The following GRIK2 variants were observed in gnomAD, a reference collection of about 807,000 sequenced individuals.
GRIK2 encodes glutamate ionotropic receptor kainate type subunit 2, also known as glutamate receptor ionotropic, kainate 2.
Under a neutral mutation model 100.3 loss-of-function variants are expected in GRIK2, and 32 were observed. The ratio of observed to expected loss-of-function variants is 0.32; its 90% confidence interval spans 0.24 to 0.43. The LOEUF (loss-of-function observed/expected upper bound fraction) is 0.43. GRIK2 is among the 20% of genes least tolerant of loss of function. The probability of loss-of-function intolerance (pLI) is 1.00; values close to 1 mark genes in which losing one functional copy is unlikely to be tolerated. For synonymous variants in GRIK2, 417 were observed against 389.4 expected (o/e 1.07, Z -0.83); for missense variants, 843 against 1,114.9 (o/e 0.76, Z 3.47).
chr6:102,007,881 G>GA (rs1024030901), intron 14 of GRIK2, among the ~76,000 whole-genome samples: 17 of 151,924 alleles, frequency 1.1e-4, no homozygotes, highest in African/African-American at 3.6e-4. Context: ...CTAAATGTAG[G>GA]AAAAAATCTC....
chr6:101,832,548 G>T (rs919519156), intron 10 of GRIK2, among the ~76,000 whole-genome samples: 1 of 152,088 alleles, frequency 6.6e-6, no homozygotes, highest in Non-Finnish European at 1.5e-5. Flanking sequence ...CTTCTTACTT[G>T]GCAGGTGGCC....
intron 3 of GRIK2, 67 bp from the exon 4 acceptor site, chr6:101,626,313 A>ATGT: frequency 7.5e-7 from 1 of 1,333,628 alleles, no homozygotes. Context: ...TAAAATAATA[A>ATGT]TGTGGTATCT....
At chr6:102,025,492 A>G (rs13197283) in intron 14 of GRIK2, among the ~76,000 whole-genome samples, 40,981 of 151,070 alleles carry the variant, frequency 0.27, 5,955 homozygotes, top group East Asian at 0.34. Flanking sequence ...ATTCTCTGGA[A>G]AAAGGAATGT....
At chr6:101,599,317 A>G (rs1182087287) in intron 2 of GRIK2, among the ~76,000 whole-genome samples, 2 of 151,712 alleles carry the variant, frequency 1.3e-5, no homozygotes, top group South Asian at 2.1e-4. Flanking sequence ...TCAGTCCCCT[A>G]TTGATGGGCA....
chr6:101,394,900 G>A (rs564908477), intron 1 of GRIK2, among the ~76,000 whole-genome samples: 2 of 152,024 alleles, frequency 1.3e-5, no homozygotes, highest in East Asian at 1.9e-4. Flanking sequence ...TTATCTGTTT[G>A]TTTTCTCCTA....
chr6:101,394,351 G>A (rs910371947), intron 1 of GRIK2, among the ~76,000 whole-genome samples: 5 of 152,276 alleles, frequency 3.3e-5, no homozygotes, highest in East Asian at 1.9e-4. Flanking sequence ...CGTCCCATTA[G>A]GGTAAGGAGT....
intron 11 of GRIK2, among the ~76,000 whole-genome samples, chr6:101,876,188 G>A (rs995005988): frequency 7.9e-5 from 12 of 151,736 alleles, no homozygotes; most frequent in East Asian, 7.7e-4. Flanking sequence ...TTTGAAACAC[G>A]AAATTGTCAT....
chr6:101,743,582 C>G (rs949641517), intron 7 of GRIK2, among the ~76,000 whole-genome samples: 1 of 152,200 alleles, frequency 6.6e-6, no homozygotes, highest in East Asian at 1.9e-4. Flanking sequence ...TTTATCTACA[C>G]CTTGTTCTCC....
chr6:101,738,454 A>G (rs1438673912), intron 7 of GRIK2, among the ~76,000 whole-genome samples: 1 of 152,164 alleles, frequency 6.6e-6, no homozygotes, highest in East Asian at 1.9e-4. Flanking sequence ...GTACTTAGAT[A>G]CTATATGCAA....
chr6:101,553,330 G>A (rs1288383420), intron 2 of GRIK2, among the ~76,000 whole-genome samples: 3 of 152,024 alleles, frequency 2.0e-5, no homozygotes, highest in Non-Finnish European at 2.9e-5. Flanking sequence ...TTTAAAATGT[G>A]TTAATTAAAG....
In GRIK2 at chr6:101,488,721, C is replaced by T. The variant is rs1273387419; in HGVS notation, c.115+89329C>T. On this transcript the variant is annotated intron_variant, in intron 2 of 16. Transcript: ENST00000369134. ...ATCTAAATTATTTTATTTAGGTTCT[C>T]ATATTCACAAATAAACACTTTTTTT... Among the ~76,000 whole-genome samples, 6 of 146,460 alleles carry T rather than the reference C, an allele frequency of 4.1e-5. 1 individual carries two copies. Among genetic ancestry groups the T allele is most frequent in the Non-Finnish European group, 9.0e-5 (6 of 66,522 alleles).
chr6:101,605,453 T>A (rs1260979633), intron 2 of GRIK2, among the ~76,000 whole-genome samples: 1 of 144,246 alleles, frequency 6.9e-6, no homozygotes, highest in African/African-American at 2.9e-5. Context: ...TCTGTCCATA[T>A]TAACGCAGGT....
intron 2 of GRIK2, among the ~76,000 whole-genome samples, chr6:101,435,991 A>G (rs965629659): frequency 6.6e-6 from 1 of 152,122 alleles, no homozygotes; most frequent in African/African-American, 2.4e-5. Flanking sequence ...ATATGGAAAT[A>G]TTCAAATGTG....
At chr6:101,394,546 T>A (rs1371154709) in intron 1 of GRIK2, among the ~76,000 whole-genome samples, 2 of 152,224 alleles carry the variant, frequency 1.3e-5, no homozygotes, top group Non-Finnish European at 2.9e-5. Flanking sequence ...TAGTAGCCTT[T>A]TGGTAATGCA....
chr6:101,677,304 A>G (rs532661400), intron 5 of GRIK2, among the ~76,000 whole-genome samples: 51 of 152,272 alleles, frequency 3.3e-4, no homozygotes, highest in Admixed American at 1.1e-3. Flanking sequence ...AAAATGAACA[A>G]GTAACTTGAC....
chr6:101,907,996 A>G (rs1020055234), intron 12 of GRIK2, among the ~76,000 whole-genome samples: 7 of 151,514 alleles, frequency 4.6e-5, no homozygotes, highest in African/African-American at 1.5e-4. Flanking sequence ...GTAAGAATGA[A>G]GAGCACATTT....
chr6:101,846,027 G>A (rs973462460), intron 10 of GRIK2, among the ~76,000 whole-genome samples: 1 of 151,284 alleles, frequency 6.6e-6, no homozygotes, highest in Non-Finnish European at 1.5e-5. Context: ...TGTTGTTGTT[G>A]TTGTAGGAGT....
At chr6:101,952,488 GTT>G (rs111895980) in intron 14 of GRIK2, among the ~76,000 whole-genome samples, 1 of 148,760 alleles carries the variant, frequency 6.7e-6, no homozygotes, top group African/African-American at 2.5e-5. Context: ...GTTTTGTTCA[GTT>G]TTTTTTTTAA....
intron 2 of GRIK2, among the ~76,000 whole-genome samples, chr6:101,476,704 G>A (rs1562165410): frequency 1.3e-5 from 2 of 152,076 alleles, no homozygotes; most frequent in Non-Finnish European, 2.9e-5. Context: ...TAACTTTTGA[G>A]GTTCATTTTG....
Sources: gnomAD v4.1 joint callset for allele counts (sites outside exome capture counted in the v4.1 genomes callset) on GRCh38, gnomAD v4.1.1 for gene constraint, MANE v1.5 for transcripts, NCBI Gene and HGNC (gene_info 2026-07-23, HGNC 2026-07-21) for gene names.